Variants in CSMD1 observed in about 807,000 individuals in gnomAD.
CSMD1 encodes CUB and Sushi multiple domains 1.
In CSMD1, 213 loss-of-function variants were observed where a neutral mutation model predicts 417.5. The observed-to-expected ratio is 0.51, with a 90% CI of 0.46 to 0.57. CSMD1 has a LOEUF of 0.57. Ranked by LOEUF, CSMD1 falls within the 20% of genes least tolerant of loss-of-function variation. The pLI, the probability that CSMD1 is intolerant of heterozygous loss-of-function variation, is 0.00. For missense variants in CSMD1, 6,923 were observed against 4,529.7 expected, an observed-to-expected ratio of 1.53 and a Z score of -15.17; for synonymous variants, 2,862 against 1,736.8, an observed-to-expected ratio of 1.65 and a Z score of -16.11.
intron 6 of CSMD1, among the ~76,000 whole-genome samples, chr8:3,751,488 AATAT>A (rs552506629): frequency 1.8e-4 from 27 of 148,394 alleles, no homozygotes; most frequent in African/African-American, 6.6e-4. Context: ...TATATTATAG[AATAT>A]ATATAAATAA....
chr8:2,948,962 TCTTA>T (rs1166021958), intron 68 of CSMD1, among the ~76,000 whole-genome samples: 2 of 151,740 alleles, frequency 1.3e-5, no homozygotes, highest in Non-Finnish European at 1.5e-5. Context: ...TTTTAATTAC[TCTTA>T]CTTTTTTTTT....
chr8:4,890,900 C>T (rs1360346641), intron 1 of CSMD1, among the ~76,000 whole-genome samples: 1 of 152,016 alleles, frequency 6.6e-6, no homozygotes, highest in East Asian at 1.9e-4. Context: ...CTAGAGCTCA[C>T]AAGGAGGGAG....
chr8:4,461,315 G>GTT (rs2129948137), intron 2 of CSMD1, among the ~76,000 whole-genome samples: 1 of 151,990 alleles, frequency 6.6e-6, no homozygotes, highest in East Asian at 1.9e-4. Flanking sequence ...CCTAAAATCA[G>GTT]CAATAAGACA....
chr8:4,237,484 G>A (rs1016326181), intron 3 of CSMD1, among the ~76,000 whole-genome samples: 1 of 151,934 alleles, frequency 6.6e-6, no homozygotes. Context: ...AGGTAATATG[G>A]CTAAACGGTC....
chr8:3,590,340 G>T (rs141253222), intron 8 of CSMD1, among the ~76,000 whole-genome samples: 2 of 151,952 alleles, frequency 1.3e-5, no homozygotes, highest in African/African-American at 2.4e-5. Flanking sequence ...AAACACTTAG[G>T]CTGTTTCTAT....
chr8:4,338,698 G>A (rs1268423874), intron 3 of CSMD1, among the ~76,000 whole-genome samples: 1 of 151,984 alleles, frequency 6.6e-6, no homozygotes. Flanking sequence ...CATAGTTCCG[G>A]TTCTACAAGT....
intron 1 of CSMD1, among the ~76,000 whole-genome samples, chr8:4,743,732 G>T (rs112102595): frequency 0.011 from 1,696 of 152,246 alleles, 37 homozygotes; most frequent in African/African-American, 0.039. Flanking sequence ...GATTTTCTCT[G>T]AACTATAAAT....
At chr8:3,101,904 C>T (rs1416724270) in intron 46 of CSMD1, among the ~76,000 whole-genome samples, 1 of 147,578 alleles carries the variant, frequency 6.8e-6, no homozygotes, top group African/African-American at 2.5e-5. Context: ...GGGGTTCAAG[C>T]AATTCTCCAG....
chr8:3,527,584 C>G (rs926605232), intron 10 of CSMD1, among the ~76,000 whole-genome samples: 1 of 151,782 alleles, frequency 6.6e-6, no homozygotes, highest in Admixed American at 6.6e-5. Flanking sequence ...GCACAGAACT[C>G]TATACACACA....
intron 1 of CSMD1, among the ~76,000 whole-genome samples, chr8:4,703,523 T>C (rs1324582865): frequency 2.0e-5 from 3 of 152,196 alleles, no homozygotes; most frequent in African/African-American, 7.2e-5. Context: ...ATAAAATTGA[T>C]ACAGTTTTTA....
At chr8:4,403,451 C>T (rs1804791483) in intron 3 of CSMD1, among the ~76,000 whole-genome samples, 1 of 152,080 alleles carries the variant, frequency 6.6e-6, no homozygotes, top group African/African-American at 2.4e-5. Flanking sequence ...TCAAAATGTC[C>T]TTATCAGGGT....
intron 1 of CSMD1, among the ~76,000 whole-genome samples, chr8:4,792,663 C>G (rs919839678): frequency 6.6e-5 from 10 of 152,094 alleles, no homozygotes; most frequent in Admixed American, 2.6e-4. Context: ...ATATGGGACA[C>G]TCAATTTATA....
chr8:4,877,049 G>A (rs1803088056), intron 1 of CSMD1, among the ~76,000 whole-genome samples: 1 of 151,962 alleles, frequency 6.6e-6, no homozygotes, highest in Non-Finnish European at 1.5e-5. Context: ...CTCCTTATGT[G>A]GAGATTAATT....
intron 3 of CSMD1, among the ~76,000 whole-genome samples, chr8:4,178,472 T>A (rs1414643093): frequency 6.6e-6 from 1 of 151,116 alleles, no homozygotes; most frequent in Non-Finnish European, 1.5e-5. Context: ...ACAGCCAATA[T>A]CATACTGAAT....
intron 3 of CSMD1, among the ~76,000 whole-genome samples, chr8:4,280,800 T>A (rs1351526966): frequency 6.6e-6 from 1 of 152,194 alleles, no homozygotes; most frequent in Admixed American, 6.5e-5. Flanking sequence ...GAACGTATGT[T>A]AAAATTTTCA....
At chr8:4,625,548 G>C (rs184360921) in intron 2 of CSMD1, among the ~76,000 whole-genome samples, 4 of 151,820 alleles carry the variant, frequency 2.6e-5, no homozygotes, top group African/African-American at 4.9e-5. Context: ...CTAGTCCAAA[G>C]TAGGACTTCC....
At chr8:4,366,423 T>G (rs1802075980) in intron 3 of CSMD1, among the ~76,000 whole-genome samples, 1 of 152,192 alleles carries the variant, frequency 6.6e-6, no homozygotes, top group South Asian at 2.1e-4. Context: ...CAGAATGATT[T>G]ATTTCCTTTT....
At chr8:4,204,919 C>G (rs556653119) in intron 3 of CSMD1, among the ~76,000 whole-genome samples, 69 of 152,246 alleles carry the variant, frequency 4.5e-4, no homozygotes, top group African/African-American at 1.6e-3. Context: ...CTCAGCTTCC[C>G]AAAGTGCTGG....
intron 5 of CSMD1, among the ~76,000 whole-genome samples, chr8:3,881,702 A>G (rs1254133006): frequency 6.6e-6 from 1 of 152,108 alleles, no homozygotes; most frequent in African/African-American, 2.4e-5. Context: ...AAAAAAGAGA[A>G]AAGCAGAGCT....
Sources: allele counts gnomAD v4.1 joint callset (sites outside exome capture counted in the v4.1 genomes callset), GRCh38; gene constraint gnomAD v4.1.1; transcripts MANE v1.5; gene names NCBI Gene and HGNC (gene_info 2026-07-23, HGNC 2026-07-21).